Variants in TRPV4 observed in about 807,000 individuals in gnomAD.
TRPV4 encodes the protein OSM9-like transient receptor potential channel 4.
TRPV4 carries 58 observed loss-of-function variants against 84.1 expected under a neutral mutation model. The observed-to-expected ratio is 0.69, with a 90% CI of 0.56 to 0.86. The LOEUF is 0.86. Among genes scored for constraint, TRPV4 ranks in the 40% least tolerant of loss-of-function variants. The probability of loss-of-function intolerance (pLI) is 0.00; values close to 1 mark genes in which losing one functional copy is unlikely to be tolerated. For synonymous variants in TRPV4, 489 were observed against 500.9 expected, an observed-to-expected ratio of 0.98 and a Z score of 0.32; for missense variants, 879 against 1,181.1, an observed-to-expected ratio of 0.74 and a Z score of 3.75.
chr12:109,825,799 C>T (rs1892237195), intron 1 of TRPV4, among the ~76,000 whole-genome samples: 1 of 152,150 alleles, frequency 6.6e-6, no homozygotes, highest in Non-Finnish European at 1.5e-5. Flanking sequence ...AGGGCAGGTG[C>T]CCGTTATGAG....
At chr12:109,821,547 T>C (rs892247595) in intron 1 of TRPV4, among the ~76,000 whole-genome samples, 9 of 152,156 alleles carry the variant, frequency 5.9e-5, no homozygotes, top group Non-Finnish European at 1.3e-4. Flanking sequence ...TATTTTTTTT[T>C]TCAAGAGAGT....
chr12:109,822,027 G>A (rs879833541), intron 1 of TRPV4, among the ~76,000 whole-genome samples: 38 of 152,224 alleles, frequency 2.5e-4, no homozygotes, highest in Non-Finnish European at 1.5e-5. Flanking sequence ...CAGAGCAAGG[G>A]CAGCCAGAAT....
chr12:109,805,125 A>G (rs987546431), intron 3 of TRPV4, among the ~76,000 whole-genome samples: 2 of 152,214 alleles, frequency 1.3e-5, no homozygotes, highest in Non-Finnish European at 2.9e-5. Flanking sequence ...TGCTTGGTCA[A>G]TGATGGTCCT....
intron 1 of TRPV4, among the ~76,000 whole-genome samples, chr12:109,828,239 G>T (rs1048271218): frequency 2.6e-5 from 4 of 152,196 alleles, no homozygotes; most frequent in South Asian, 2.1e-4. Context: ...CTTCCTGTGC[G>T]CCTGGTGTGG....
chr12:109,820,609 G>A (rs567548460), intron 1 of TRPV4, among the ~76,000 whole-genome samples: 12 of 136,872 alleles, frequency 8.8e-5, no homozygotes, highest in African/African-American at 1.7e-4. Context: ...TGCAAGCTCC[G>A]CCTCCCGGGT....
Position 109,800,728 on chromosome 12 carries a change from C to A in TRPV4, c.743G>T (p.Arg248Leu). The change falls in exon 5 of 16, where the codon CGT becomes CTT. Residue 248 changes from arginine (R) to leucine (L), a missense_variant. Physicochemically the swap from Arg to Leu is moderately radical, Grantham distance 102. This residue lies in a region of TRPV4 where 521 missense variants were observed against 686.6 expected (regional missense o/e 0.76). Coordinates refer to ENST00000261740, the MANE Select transcript of TRPV4 (RefSeq NM_021625.5). ...GQTALHIAIERRCKHYVELLV... is the reference protein window; with the variant it reads ...GQTALHIAIELRCKHYVELLV... Reference sequence around the variant, plus strand: ...AAGTTCCACGTAGTGTTTGCAGCGACGCTCAATGGCGATGTGCAGGGCTGT... The same window carrying A: ...AAGTTCCACGTAGTGTTTGCAGCGAAGCTCAATGGCGATGTGCAGGGCTGT... 1 of 1,613,970 alleles carries A rather than the reference C, an allele frequency of 6.2e-7. No homozygotes were observed. Among genetic ancestry groups the A allele is most frequent in the Non-Finnish European group, 8.5e-7 (1 of 1,180,024 alleles).
chr12:109,793,896 G>T lies in TRPV4; in HGVS notation c.1584+34C>A. The stretch of plus-strand genomic sequence containing the variant: ...GGTGCAGGAAGAGAAGAGGAGGGCA[G>T]GCAGGGTGGGGGGCACGGGGGCCAG... On this transcript the variant is annotated intron_variant, in intron 9 of 15. Coordinates refer to ENST00000261740, the MANE Select transcript of TRPV4 (RefSeq NM_021625.5). The surrounding 1 kb of genome is among the most constrained non-coding windows in gnomAD (Gnocchi z 4.0). 1 of 1,506,052 alleles carries T rather than the reference G, an allele frequency of 6.6e-7. No homozygotes were observed. 93.3% of individuals were successfully genotyped at this position (1,506,052 alleles called of 1,614,324 possible).
chr12:109,827,311 A>C (rs948030298), intron 1 of TRPV4, among the ~76,000 whole-genome samples: 1 of 152,160 alleles, frequency 6.6e-6, no homozygotes, highest in African/African-American at 2.4e-5. Context: ...TTGGTCTCAG[A>C]GCCAGAGCCT....
chr12:109,819,636 A>T (rs1892013436), intron 1 of TRPV4, among the ~76,000 whole-genome samples: 1 of 152,172 alleles, frequency 6.6e-6, no homozygotes, highest in Admixed American at 6.5e-5. Flanking sequence ...ATCTCAGCTC[A>T]CTGCAACCTC....
At chr12:109,810,738 A>G (rs1417670050) in intron 2 of TRPV4, among the ~76,000 whole-genome samples, 1 of 152,082 alleles carries the variant, frequency 6.6e-6, no homozygotes. Flanking sequence ...ATAAAAAGCA[A>G]TACTGCCCCC....
intron 1 of TRPV4, among the ~76,000 whole-genome samples, chr12:109,819,154 T>C (rs113943260): frequency 0.027 from 4,082 of 152,194 alleles, 197 homozygotes; most frequent in African/African-American, 0.094. Flanking sequence ...CTGTTCTCTG[T>C]GGTCAGAGAA....
chr12:109,806,875 A>G (rs867740609), intron 3 of TRPV4, among the ~76,000 whole-genome samples: 2 of 94,398 alleles, frequency 2.1e-5, no homozygotes, highest in Admixed American at 1.4e-4. Flanking sequence ...AAAAAAAAGA[A>G]AAAAAAAAAA....
chr12:109,788,165 A>C (rs151338509), intron 13 of TRPV4, among the ~76,000 whole-genome samples: 39 of 152,370 alleles, frequency 2.6e-4, no homozygotes, highest in African/African-American at 8.9e-4. Context: ...GCTGGACCAC[A>C]AGGAGAATCT....
intron 7 of TRPV4, among the ~76,000 whole-genome samples, chr12:109,795,923 T>A (rs376781586): frequency 2.6e-4 from 26 of 99,464 alleles, no homozygotes; most frequent in African/African-American, 1.2e-3. Flanking sequence ...AATTTTCATT[T>A]TTATTATTTT....
At chr12:109,808,506 A>T in intron 2 of TRPV4, 38 bp from the exon 3 acceptor site, 2 of 1,590,616 alleles carry the variant, frequency 1.3e-6, no homozygotes, top group South Asian at 2.3e-5. Flanking sequence ...GGGAGGGCTC[A>T]TCCCCTGCCT....
chr12:109,808,560 G>T, intron 2 of TRPV4, 92 bp from the exon 3 acceptor site: 2 of 1,337,190 alleles, frequency 1.5e-6, no homozygotes, highest in Non-Finnish European at 2.1e-6. Context: ...CTGTGGTGGC[G>T]GGCAGGCAGC....
chr12:109,829,882 C>T (rs1048411307), intron 1 of TRPV4, among the ~76,000 whole-genome samples: 2 of 152,242 alleles, frequency 1.3e-5, no homozygotes, highest in South Asian at 2.1e-4. Flanking sequence ...GTGGCACAAT[C>T]GCAGTTCACT....
intron 1 of TRPV4, among the ~76,000 whole-genome samples, chr12:109,830,418 C>T (rs1892379987): frequency 6.6e-6 from 1 of 152,198 alleles, no homozygotes; most frequent in African/African-American, 2.4e-5. Context: ...TAAAGGCTTG[C>T]CACCATCATA....
chr12:109,789,456 C>A (rs1889901578), intron 12 of TRPV4, among the ~76,000 whole-genome samples: 1 of 152,288 alleles, frequency 6.6e-6, no homozygotes, highest in African/African-American at 2.4e-5. Context: ...CCACCCCAAC[C>A]CAGAGAGGAA....
Sources: allele counts gnomAD v4.1 joint callset (sites outside exome capture counted in the v4.1 genomes callset), GRCh38; gene constraint gnomAD v4.1.1; regional missense constraint gnomAD v4.1.1; non-coding constraint Gnocchi (gnomAD v3.1); transcripts MANE v1.5; gene names NCBI Gene and HGNC (gene_info 2026-07-23, HGNC 2026-07-21).